The following WNT5A variants were observed in gnomAD, a reference collection of about 807,000 sequenced individuals.
WNT5A encodes the protein protein Wnt-5a.
In WNT5A, 9 loss-of-function variants were observed where a neutral mutation model predicts 42.1. The ratio of observed to expected loss-of-function variants is 0.21; its 90% CI spans 0.13 to 0.37. WNT5A has a LOEUF of 0.37. WNT5A is among the 10% of genes least tolerant of loss of function. WNT5A has a pLI of 1.00. For missense variants in WNT5A, 426 were observed against 534.0 expected (o/e 0.80, Z 1.99); for synonymous variants, 210 against 210.0 (o/e 1.00, Z 0.00).
At chr3:55,481,031 C>A (rs1208610670) in intron 1 of WNT5A, 113 bp from the exon 2 acceptor site, 3 of 1,151,022 alleles carry the variant, frequency 2.6e-6, no homozygotes, top group South Asian at 3.6e-5. Context: ...TGATTGACTG[C>A]GCTTCTCCTC....
intron 4 of WNT5A, among the ~76,000 whole-genome samples, chr3:55,470,767 TCAA>T (rs1225736665): frequency 6.6e-6 from 1 of 152,214 alleles, no homozygotes; most frequent in Non-Finnish European, 1.5e-5. Context: ...TATATCATTA[TCAA>T]CAACAACTGT....
At chr3:55,491,724 G>C (rs555742861), upstream of WNT5A, among the ~76,000 whole-genome samples, 1 of 152,190 alleles carries the variant, frequency 6.6e-6, no homozygotes, top group Admixed American at 6.5e-5. Flanking sequence ...ACTAGAATTT[G>C]TCAAGAAAGC....
upstream of WNT5A, among the ~76,000 whole-genome samples, chr3:55,494,312 T>G (rs927075405): frequency 6.6e-6 from 1 of 152,212 alleles, no homozygotes; most frequent in Non-Finnish European, 1.5e-5. Context: ...TACTCCTGGG[T>G]ATGTATTAAT....
At chr3:55,502,204 T>C in the WNT5A span, among the ~76,000 whole-genome samples, 1 of 152,178 alleles carries the variant, frequency 6.6e-6, no homozygotes, top group Non-Finnish European at 1.5e-5. Flanking sequence ...CCTTAAGAAA[T>C]TCCAATTCTG....
chr3:55,471,630 C>G (rs952928224), intron 4 of WNT5A, among the ~76,000 whole-genome samples: 1 of 152,244 alleles, frequency 6.6e-6, no homozygotes, highest in Non-Finnish European at 1.5e-5. Flanking sequence ...TCCAGAGTGA[C>G]GAGGACACGG....
upstream of WNT5A, chr3:55,488,023 G>A (rs2051608464): frequency 6.6e-6 from 1 of 152,320 alleles, no homozygotes; most frequent in South Asian, 2.1e-4. Context: ...TGCACCGCGG[G>A]CGCGAGGCTG....
In WNT5A at chr3:55,469,203, A is replaced by C. The variant is rs1450349944; in HGVS notation, c.*889T>G. The stretch of plus-strand genomic sequence containing the variant: ...ATTCATGTATTATTTTTACTATTAT[A>C]ATTTACTAACCAAGTATCCCTAAGA... On this transcript the variant is annotated 3_prime_UTR_variant, in exon 5 of 5. Transcript: ENST00000264634. 1 of 152,156 alleles carries C rather than the reference A, an allele frequency of 6.6e-6. No individual in the cohort carries two copies. The highest frequency in any genetic ancestry group is 1.5e-5 in the Non-Finnish European group (1 of 68,042). 9.4% of individuals were successfully genotyped at this position (152,156 alleles called of 1,614,324 possible). A position where few individuals can be genotyped will look rare whatever the true frequency, so the allele number is the denominator to read the frequency against.
chr3:55,498,122 C>A, the WNT5A span, among the ~76,000 whole-genome samples: 6 of 152,154 alleles, frequency 3.9e-5, no homozygotes, highest in Non-Finnish European at 8.8e-5. Context: ...CCCAGCAGTG[C>A]AGACTCATAA....
At chr3:55,480,542 G>C (rs886981537) in intron 2 of WNT5A, among the ~76,000 whole-genome samples, 14 of 152,244 alleles carry the variant, frequency 9.2e-5, no homozygotes, top group African/African-American at 3.4e-4. Context: ...CTGAACAAGG[G>C]CTTCATAGAA....
intron 4 of WNT5A, among the ~76,000 whole-genome samples, chr3:55,472,542 C>A (rs1278002491): frequency 2.0e-5 from 3 of 151,944 alleles, no homozygotes; most frequent in Admixed American, 6.6e-5. Context: ...CTGACCCCAC[C>A]CCCCCCAAAT....
chr3:55,487,074 G>A lies in WNT5A; in HGVS notation c.-89C>T, dbSNP rs758590954. 19 of 1,178,302 alleles carry A rather than the reference G, an allele frequency of 1.6e-5. No homozygotes were observed. The highest frequency in any genetic ancestry group is 2.1e-5 in the Non-Finnish European group (17 of 810,840). The allele number at this position is 1,178,302 out of a possible 1,614,324, so 73.0% of individuals were successfully genotyped here. Reference sequence around the variant, plus strand: ...GCGGAGCGACCGGGTTAAGCCTGGGGGGACGGTCAGGAGCAGGGCTGCGGA... The same window carrying A: ...GCGGAGCGACCGGGTTAAGCCTGGGAGGACGGTCAGGAGCAGGGCTGCGGA... On this transcript the variant is annotated 5_prime_UTR_variant, in exon 1 of 5. Transcript: ENST00000264634.
chr3:55,470,638 A>C, intron 4 of WNT5A, 88 bp from the exon 5 acceptor site: 2 of 1,217,592 alleles, frequency 1.6e-6, no homozygotes, highest in Non-Finnish European at 2.2e-6. Context: ...GACCTTCTCC[A>C]TGGAGCTATG....
chr3:55,482,880 G>A (rs1423060943), intron 1 of WNT5A, among the ~76,000 whole-genome samples: 1 of 152,138 alleles, frequency 6.6e-6, no homozygotes, highest in African/African-American at 2.4e-5. Context: ...CCGATGCCGC[G>A]TGCACACACA....
At position 55,470,031 on chromosome 3, in the gene WNT5A, C is replaced by T. The variant is rs961827183; in HGVS notation, c.*61G>A. The T allele has an allele frequency of 1.7e-5, 28 of 1,601,750 alleles. No homozygotes were observed. Among genetic ancestry groups the T allele is most frequent in the Non-Finnish European group, 2.3e-5 (27 of 1,170,176 alleles). ...ATTTCTAAAAACCAAAAACCAGAATCACTGTACTTTCTATAAATAAGCGGG... is the reference window on the plus strand; with the variant it reads ...ATTTCTAAAAACCAAAAACCAGAATTACTGTACTTTCTATAAATAAGCGGG... On this transcript the variant is annotated 3_prime_UTR_variant, in exon 5 of 5. Transcript: ENST00000264634.
intron 3 of WNT5A, among the ~76,000 whole-genome samples, chr3:55,478,174 G>A (rs2051391713): frequency 6.6e-6 from 1 of 152,138 alleles, no homozygotes; most frequent in South Asian, 2.1e-4. Context: ...TGCAGGCTGA[G>A]GCTACAGGCC....
chr3:55,504,613 C>T, the WNT5A span, among the ~76,000 whole-genome samples: 1 of 152,080 alleles, frequency 6.6e-6, no homozygotes, highest in Non-Finnish European at 1.5e-5. Context: ...TACAGGCATG[C>T]ACCACCATAC....
chr3:55,470,356 C>G lies in WNT5A; in HGVS notation c.879G>C (p.Ser293=). The change falls in exon 5 of 5, where the codon TCG becomes TCC. Residue 293 remains serine (S), a synonymous_variant. Transcript: ENST00000264634. ...KLVQVNSRFN[S]PTTQDLVYID... ...TGTAGACCAGGTCTTGTGTGGTGGGCGAGTTGAAGCGGCTGTTGACCTGTA... is the reference window on the plus strand; with the variant it reads ...TGTAGACCAGGTCTTGTGTGGTGGGGGAGTTGAAGCGGCTGTTGACCTGTA... 1 of 1,614,006 alleles carries G rather than the reference C, an allele frequency of 6.2e-7. No homozygotes were observed.
At chr3:55,476,683 T>C (rs1459028022) in intron 3 of WNT5A, among the ~76,000 whole-genome samples, 1 of 152,246 alleles carries the variant, frequency 6.6e-6, no homozygotes, top group African/African-American at 2.4e-5. Context: ...GAGATCCCTC[T>C]AAGCTAATTG....
intron 1 of WNT5A, among the ~76,000 whole-genome samples, chr3:55,486,262 A>C (rs1426101022): frequency 6.6e-6 from 1 of 152,182 alleles, no homozygotes; most frequent in Non-Finnish European, 1.5e-5. Context: ...CACTACCACC[A>C]CAACTCCCCG....
Sources: gnomAD v4.1 joint callset for allele counts (sites outside exome capture counted in the v4.1 genomes callset) on GRCh38, gnomAD v4.1.1 for gene constraint, MANE v1.5 for transcripts, NCBI Gene and HGNC (gene_info 2026-07-23, HGNC 2026-07-21) for gene names.